Variants in RAP1B observed in about 807,000 individuals in gnomAD.
The protein encoded by RAP1B is RAP1B, member of RAS oncogene family.
A neutral mutation model predicts 27.5 loss-of-function variants in RAP1B; 1 was observed. The ratio of observed to expected loss-of-function variants is 0.04; its 90% CI spans 0.01 to 0.17. RAP1B has a LOEUF of 0.17. RAP1B is among the 10% of genes least tolerant of loss of function. The pLI is 1.00. For missense variants in RAP1B, 84 were observed against 214.8 expected (o/e 0.39, Z 3.81); for synonymous variants, 75 against 73.1 (o/e 1.03, Z -0.13).
rs184791143 is a variant in RAP1B at position 68,664,952 on chromosome 12, A to G, written c.*5703A>G. 1.8e-4 allele frequency: 28 copies of G among 152,300 alleles called. No homozygotes were observed. Among genetic ancestry groups the G allele is most frequent in the African/African-American group, 6.3e-4 (26 of 41,576 alleles). 9.4% of individuals were successfully genotyped at this position (152,300 alleles called of 1,614,324 possible). On this transcript the variant is annotated 3_prime_UTR_variant, in exon 8 of 8. Coordinates refer to ENST00000250559, the MANE Select transcript of RAP1B (RefSeq NM_001010942.3). ...TTGACTATTAACAGGTCAATGTCAG[A>G]TTTCCTGAGCAAATCAACCAATAAT...
chr12:68,649,034 G>A (rs973143693), intron 2 of RAP1B: 10 of 386,912 alleles, frequency 2.6e-5, no homozygotes, highest in East Asian at 2.1e-4. Context: ...GATTGAGAGC[G>A]TACAAATACA....
In RAP1B at chr12:68,665,162, A is replaced by C. The variant is rs1401360830; in HGVS notation, c.*5913A>C. 1.3e-5 allele frequency: 2 copies of C among 152,272 alleles called. No individual in the cohort carries two copies. The highest frequency in any genetic ancestry group is 4.8e-5 in the African/African-American group (2 of 41,466). 9.4% of individuals were successfully genotyped at this position (152,272 alleles called of 1,614,324 possible). ...CTTTCCCTACTGGAAATGGAATAGA[A>C]TCGGATGGGTATGGTACAGCAGGTA... is the stretch of plus-strand genomic sequence containing the variant. On this transcript the variant is annotated 3_prime_UTR_variant, in exon 8 of 8. Coordinates refer to ENST00000250559, the MANE Select transcript of RAP1B (RefSeq NM_001010942.3).
chr12:68,638,825 T>A (rs1279731842), intron 1 of RAP1B, among the ~76,000 whole-genome samples: 1 of 152,026 alleles, frequency 6.6e-6, no homozygotes, highest in Non-Finnish European at 1.5e-5. Context: ...CAAACCCGAC[T>A]GATTTTTGTA....
chr12:68,656,471 AT>A (rs1565674783), intron 6 of RAP1B, 22 bp downstream of exon 6: 1 of 1,589,376 alleles, frequency 6.3e-7, no homozygotes, highest in Non-Finnish European at 8.6e-7. Context: ...TATACTTAAA[AT>A]GGGTCTTCAT....
In RAP1B at chr12:68,610,938, A is replaced by G. The variant is rs894943591; in HGVS notation, c.-132A>G. The G allele has an allele frequency of 6.5e-6, 2 of 306,990 alleles. No homozygotes were observed. Among genetic ancestry groups the G allele is most frequent in the Non-Finnish European group, 1.2e-5 (2 of 166,400 alleles). The allele number at this position is 306,990 out of a possible 1,614,324, so 19.0% of individuals were successfully genotyped here. On this transcript the variant is annotated 5_prime_UTR_variant, in exon 1 of 8. Transcript: ENST00000250559. The stretch of plus-strand genomic sequence containing the variant: ...TCGCCCAGATTCAGGCGTGTAAACC[A>G]GCCGGAGCGGCGCGGCAGCGGCAGG...
intron 1 of RAP1B, among the ~76,000 whole-genome samples, chr12:68,620,115 C>T (rs769922909): frequency 1.3e-5 from 2 of 150,566 alleles, no homozygotes; most frequent in Non-Finnish European, 2.9e-5. Flanking sequence ...TAAGTAGACA[C>T]TTTTCAAAAA....
intron 1 of RAP1B, among the ~76,000 whole-genome samples, chr12:68,611,524 C>T (rs1274411219): frequency 6.6e-6 from 1 of 152,036 alleles, no homozygotes; most frequent in East Asian, 1.9e-4. Context: ...TTGTCCTTTG[C>T]GAAGACCTAG....
rs138840887 is a variant in RAP1B, at chr12:68,657,871, T to TCA, written c.*30+670_*30+671dup. On this transcript the variant is annotated intron_variant, in intron 7 of 7. Coordinates refer to ENST00000250559, the MANE Select transcript of RAP1B (RefSeq NM_001010942.3). ...CCCTGACATGTTCATCATGTGCCAG[T>TCA]CACACACACACACACACCCCTGACA... is the stretch of plus-strand genomic sequence containing the variant. Among the ~76,000 whole-genome samples, 1,278 of 145,256 alleles carry TCA rather than the reference T, an allele frequency of 8.8e-3. 5 individuals carry two copies. The highest frequency in any genetic ancestry group is 0.017 in the South Asian group (77 of 4,586).
intron 1 of RAP1B, chr12:68,642,979 T>G (rs765330327): frequency 1.2e-6 from 1 of 813,254 alleles, no homozygotes; most frequent in African/African-American, 1.7e-5. Flanking sequence ...TTAGAGCAAG[T>G]TTTCGCCCAG....
intron 2 of RAP1B, 94 bp downstream of exon 2, chr12:68,648,875 AAT>A: frequency 8.7e-7 from 1 of 1,147,264 alleles, no homozygotes; most frequent in Non-Finnish European, 1.2e-6. Flanking sequence ...GTTAAGATAA[AAT>A]TCCTTAATGA....
At chr12:68,653,268 C>T (rs952570721) in intron 4 of RAP1B, among the ~76,000 whole-genome samples, 1 of 151,770 alleles carries the variant, frequency 6.6e-6, no homozygotes, top group Non-Finnish European at 1.5e-5. Flanking sequence ...TATAGACAAA[C>T]TAAATTTGTA....
chr12:68,624,651 A>G (rs1212177279), intron 1 of RAP1B: 1 of 152,058 alleles, frequency 6.6e-6, no homozygotes, highest in Non-Finnish European at 1.5e-5. Flanking sequence ...CCCCATCTTT[A>G]CTAAAAATAT....
chr12:68,642,250 C>T (rs1386169649), intron 1 of RAP1B, among the ~76,000 whole-genome samples: 3 of 151,972 alleles, frequency 2.0e-5, no homozygotes, highest in African/African-American at 7.3e-5. Flanking sequence ...AATAAATGCT[C>T]TTGTTTATAA....
Position 68,659,876 on chromosome 12 carries a change from C to T in RAP1B, c.*627C>T, listed in dbSNP as rs896814598. On this transcript the variant is annotated 3_prime_UTR_variant, in exon 8 of 8. Transcript: ENST00000250559. ...TCAGTATAATGTCTTAGATTAAAGA[C>T]GTTGCCTTTAATATCTGTTGGGAAG... The T allele has an allele frequency of 1.3e-5, 2 of 151,936 alleles. No individual in the cohort carries two copies. The highest frequency in any genetic ancestry group is 2.1e-4 in the South Asian group (1 of 4,812). 9.4% of individuals were successfully genotyped at this position (151,936 alleles called of 1,614,324 possible).
chr12:68,651,750 C>T (rs576159160), intron 3 of RAP1B: 53 of 438,448 alleles, frequency 1.2e-4, no homozygotes, highest in African/African-American at 7.2e-4. Flanking sequence ...GAGACTGGTT[C>T]GTGTAGGTTT....
intron 7 of RAP1B, chr12:68,657,603 C>G (rs1163487406): frequency 6.3e-6 from 1 of 159,398 alleles, no homozygotes; most frequent in Admixed American, 6.5e-5. Context: ...GATGGTGTTT[C>G]ACCATTGTTG....
At chr12:68,635,162 T>A (rs1039278449) in intron 1 of RAP1B, among the ~76,000 whole-genome samples, 3 of 152,324 alleles carry the variant, frequency 2.0e-5, no homozygotes. Context: ...TATTTTATAG[T>A]TCCTTGTTAG....
chr12:68,616,257 C>T (rs538434312), intron 1 of RAP1B, among the ~76,000 whole-genome samples: 7 of 150,890 alleles, frequency 4.6e-5, no homozygotes, highest in East Asian at 4.0e-4. Context: ...CCACTGTGCC[C>T]GGCCTTTGTT....
In RAP1B at chr12:68,668,108, G is replaced by A. The variant is rs1874927045; in HGVS notation, c.*8859G>A. On this transcript the variant is annotated 3_prime_UTR_variant, in exon 8 of 8. Transcript: ENST00000250559. Reference sequence around the variant, plus strand: ...GGTCAGGGCATTCTCTCCTTGGCAGGATGTAGTTAATGACATATGCAGAAT... The same window carrying A: ...GGTCAGGGCATTCTCTCCTTGGCAGAATGTAGTTAATGACATATGCAGAAT... 1 of 152,186 alleles carries A rather than the reference G, an allele frequency of 6.6e-6. No homozygotes were observed. Among genetic ancestry groups the A allele is most frequent in the Admixed American group, 6.5e-5 (1 of 15,274 alleles). 9.4% of individuals were successfully genotyped at this position (152,186 alleles called of 1,614,324 possible).
Sources: gnomAD v4.1 joint callset for allele counts (sites outside exome capture counted in the v4.1 genomes callset) on GRCh38, gnomAD v4.1.1 for gene constraint, MANE v1.5 for transcripts, NCBI Gene and HGNC (gene_info 2026-07-23, HGNC 2026-07-21) for gene names.